The following LDLRAD3 variants were observed in gnomAD, a reference collection of about 807,000 sequenced individuals.
The protein encoded by LDLRAD3 is low-density lipoprotein receptor class A domain-containing protein 3.
Under a neutral mutation model 29.4 loss-of-function variants are expected in LDLRAD3, and 20 were observed. That is an observed-to-expected ratio of 0.68 (90% CI 0.48 to 0.99). The LOEUF (loss-of-function observed/expected upper bound fraction) is 0.99. Ranked by LOEUF, LDLRAD3 falls within the 50% of genes least tolerant of loss-of-function variation. The pLI, the probability that LDLRAD3 is intolerant of heterozygous loss-of-function variation, is 0.00. For synonymous variants in LDLRAD3, 157 were observed against 192.7 expected (o/e 0.81, Z 1.53); for missense variants, 420 against 454.3 (o/e 0.92, Z 0.69).
chr11:36,205,480 A>T (rs1185928908), intron 4 of LDLRAD3, among the ~76,000 whole-genome samples: 1 of 152,214 alleles, frequency 6.6e-6, no homozygotes, highest in South Asian at 2.1e-4. Flanking sequence ...TGGAGATGCC[A>T]CAGATGACAG....
At chr11:36,111,094 C>T (rs1293160056) in intron 4 of LDLRAD3, among the ~76,000 whole-genome samples, 3 of 152,124 alleles carry the variant, frequency 2.0e-5, no homozygotes, top group Non-Finnish European at 4.4e-5. Flanking sequence ...GGCCCCCTCC[C>T]TGCAGGATCC....
At chr11:36,044,149 G>C (rs1265574950) in intron 2 of LDLRAD3, among the ~76,000 whole-genome samples, 2 of 152,104 alleles carry the variant, frequency 1.3e-5, no homozygotes, top group African/African-American at 4.8e-5. Flanking sequence ...TTTATGACCT[G>C]TGCAGCCCCC....
In LDLRAD3 at chr11:35,955,146, G is replaced by A. The variant is rs189215964; in HGVS notation, c.46+11002G>A. On this transcript the variant is annotated intron_variant, in intron 1 of 5. Transcript: ENST00000315571. ...TGTAATCCCAGCTACTCGGGAGGCCGAGGCACGAGAATCGCTTGAACCTGG... is the reference window on the plus strand; with the variant it reads ...TGTAATCCCAGCTACTCGGGAGGCCAAGGCACGAGAATCGCTTGAACCTGG... Among the ~76,000 whole-genome samples the A allele has an allele frequency of 3.0e-3, 464 of 152,314 alleles. 1 individual carries two copies. Among genetic ancestry groups the A allele is most frequent in the Non-Finnish European group, 5.4e-3 (367 of 68,030 alleles).
chr11:36,039,082 G>A (rs1277957048), intron 2 of LDLRAD3, among the ~76,000 whole-genome samples: 1 of 150,312 alleles, frequency 6.7e-6, no homozygotes, highest in African/African-American at 2.5e-5. Context: ...CCATTCTCTC[G>A]CCTCAGTCTC....
At chr11:35,964,764 G>A (rs1851318056) in intron 1 of LDLRAD3, among the ~76,000 whole-genome samples, 1 of 152,076 alleles carries the variant, frequency 6.6e-6, no homozygotes, top group Non-Finnish European at 1.5e-5. Flanking sequence ...GAGGTGGGAG[G>A]ATCACTTGAG....
chr11:36,019,351 G>A (rs922469057), intron 1 of LDLRAD3, among the ~76,000 whole-genome samples: 4 of 152,242 alleles, frequency 2.6e-5, no homozygotes, highest in African/African-American at 9.6e-5. Flanking sequence ...AGTCTCTGGA[G>A]ATGTGCTGGC....
chr11:35,978,855 T>G (rs1851506304), intron 1 of LDLRAD3, among the ~76,000 whole-genome samples: 1 of 152,196 alleles, frequency 6.6e-6, no homozygotes, highest in Non-Finnish European at 1.5e-5. Flanking sequence ...TAAATTATGC[T>G]TATCCTCTGA....
intron 3 of LDLRAD3, among the ~76,000 whole-genome samples, chr11:36,089,324 G>A (rs1366159477): frequency 6.6e-6 from 1 of 152,096 alleles, no homozygotes; most frequent in African/African-American, 2.4e-5. Context: ...TAAATAACTT[G>A]CCCATACTCA....
chr11:36,160,326 A>G (rs1854420719), intron 4 of LDLRAD3, among the ~76,000 whole-genome samples: 3 of 152,194 alleles, frequency 2.0e-5, no homozygotes, highest in African/African-American at 7.2e-5. Context: ...TCACGCTCAC[A>G]GAAAGCCAGC....
chr11:36,069,498 A>G (rs939643461), intron 2 of LDLRAD3, among the ~76,000 whole-genome samples: 4 of 152,226 alleles, frequency 2.6e-5, no homozygotes, highest in African/African-American at 7.2e-5. Context: ...GGAGCTGTGC[A>G]TGTTGATTCA....
chr11:36,007,347 C>A (rs1565157475), intron 1 of LDLRAD3, among the ~76,000 whole-genome samples: 2 of 152,168 alleles, frequency 1.3e-5, no homozygotes, highest in Non-Finnish European at 2.9e-5. Flanking sequence ...GTCTAGCCTA[C>A]CTGCTTTGCA....
chr11:35,979,578 G>T (rs1851515412), intron 1 of LDLRAD3, among the ~76,000 whole-genome samples: 1 of 152,178 alleles, frequency 6.6e-6, no homozygotes, highest in Non-Finnish European at 1.5e-5. Flanking sequence ...CAGGTTAGCG[G>T]AGCTTTAGAC....
intron 1 of LDLRAD3, among the ~76,000 whole-genome samples, chr11:36,032,580 G>C (rs1852249218): frequency 6.6e-6 from 1 of 152,102 alleles, no homozygotes; most frequent in African/African-American, 2.4e-5. Context: ...TCTTCATTGT[G>C]GGGGCTGTCT....
At chr11:36,183,546 C>G (rs1453656742) in intron 4 of LDLRAD3, among the ~76,000 whole-genome samples, 1 of 152,314 alleles carries the variant, frequency 6.6e-6, no homozygotes, top group Non-Finnish European at 1.5e-5. Flanking sequence ...AAATTAACTT[C>G]TGAACTTTAC....
chr11:36,145,385 G>A (rs1590306725), intron 4 of LDLRAD3, among the ~76,000 whole-genome samples: 1 of 101,420 alleles, frequency 9.9e-6, no homozygotes, highest in African/African-American at 4.7e-5. Context: ...GGGAGGTGGG[G>A]GGGTCAGCCC....
chr11:36,230,106 A>G lies in LDLRAD3; in HGVS notation c.*709A>G, dbSNP rs953115920. 3 of 152,232 alleles carry G rather than the reference A, an allele frequency of 2.0e-5. No homozygotes were observed. Among genetic ancestry groups the G allele is most frequent in the African/African-American group, 7.2e-5 (3 of 41,440 alleles). The allele number at this position is 152,232 out of a possible 1,614,324, so 9.4% of individuals were successfully genotyped here. On this transcript the variant is annotated 3_prime_UTR_variant, in exon 6 of 6. Coordinates refer to ENST00000315571, the MANE Select transcript of LDLRAD3 (RefSeq NM_174902.4). ...CTCAGCAGCATATATCATCAGCCTCATCCTAAAATAGGCAGGGAGCCCCTC... is the reference window on the plus strand; with the variant it reads ...CTCAGCAGCATATATCATCAGCCTCGTCCTAAAATAGGCAGGGAGCCCCTC...
At chr11:36,146,188 T>C (rs191994378) in intron 4 of LDLRAD3, among the ~76,000 whole-genome samples, 47 of 152,278 alleles carry the variant, frequency 3.1e-4, no homozygotes, top group African/African-American at 1.1e-3. Flanking sequence ...CCAACTCAAG[T>C]TGTCACCCAT....
chr11:36,204,779 G>A (rs1056306923), intron 4 of LDLRAD3, among the ~76,000 whole-genome samples: 3 of 152,194 alleles, frequency 2.0e-5, no homozygotes, highest in Non-Finnish European at 4.4e-5. Flanking sequence ...GTGAGCCACA[G>A]TGCCGGCCTG....
intron 2 of LDLRAD3, among the ~76,000 whole-genome samples, chr11:36,050,103 ATC>A (rs1852506702): frequency 6.6e-6 from 1 of 152,214 alleles, no homozygotes. Context: ...GCTTTCTTGA[ATC>A]ACATAGAGAG....
Sources: allele counts gnomAD v4.1 joint callset (sites outside exome capture counted in the v4.1 genomes callset), GRCh38; gene constraint gnomAD v4.1.1; transcripts MANE v1.5; gene names NCBI Gene and HGNC (gene_info 2026-07-23, HGNC 2026-07-21).